The following COLQ variants were observed in gnomAD, a reference collection of about 807,000 sequenced individuals.
COLQ encodes acetylcholinesterase collagenic tail peptide.
COLQ carries 48 observed loss-of-function variants against 69.0 expected under a neutral mutation model. That is an observed-to-expected ratio of 0.70 (90% CI 0.55 to 0.88). The LOEUF is 0.88. Ranked by LOEUF, COLQ falls within the 40% of genes least tolerant of loss-of-function variation. The pLI is 0.00. For missense variants in COLQ, 618 were observed against 594.6 expected (o/e 1.04, Z -0.41); for synonymous variants, 217 against 211.2 (o/e 1.03, Z -0.24).
At chr3:15,487,444 G>A (rs546178840) in intron 3 of COLQ, among the ~76,000 whole-genome samples, 3 of 152,334 alleles carry the variant, frequency 2.0e-5, no homozygotes, top group African/African-American at 7.2e-5. Flanking sequence ...CTCTTGTGGG[G>A]CTTTGTAATC....
At chr3:15,502,543 G>A (rs1441332656) in intron 1 of COLQ, among the ~76,000 whole-genome samples, 1 of 152,086 alleles carries the variant, frequency 6.6e-6, no homozygotes, top group African/African-American at 2.4e-5. Context: ...AGCCTCTGGA[G>A]TACCTGGAAT....
chr3:15,504,424 C>T (rs2062875397), intron 1 of COLQ, among the ~76,000 whole-genome samples: 1 of 152,232 alleles, frequency 6.6e-6, no homozygotes, highest in Non-Finnish European at 1.5e-5. Flanking sequence ...CACATGGCCT[C>T]TCTTCGGAAC....
At chr3:15,482,909 G>C in intron 3 of COLQ, among the ~76,000 whole-genome samples, 1 of 152,060 alleles carries the variant, frequency 6.6e-6, no homozygotes, top group Non-Finnish European at 1.5e-5. Context: ...GTCAATTCAG[G>C]GATTCAGCTT....
chr3:15,495,090 T>C (rs770972874), intron 1 of COLQ, among the ~76,000 whole-genome samples: 2 of 127,822 alleles, frequency 1.6e-5, no homozygotes, highest in Admixed American at 7.6e-5. Flanking sequence ...CCCTTCCTCT[T>C]GAGCTCTACA....
intron 1 of COLQ, among the ~76,000 whole-genome samples, chr3:15,519,559 T>C (rs2063107549): frequency 6.6e-6 from 1 of 152,336 alleles, no homozygotes; most frequent in East Asian, 1.9e-4. Context: ...TTGCAGTTGC[T>C]AATCTCTAGG....
chr3:15,492,782 A>G (rs867591880), intron 1 of COLQ, among the ~76,000 whole-genome samples: 1 of 152,232 alleles, frequency 6.6e-6, no homozygotes, highest in African/African-American at 2.4e-5. Flanking sequence ...GGACAATTCT[A>G]TCCCACCCTT....
intron 13 of COLQ, among the ~76,000 whole-genome samples, chr3:15,457,673 T>C (rs148285502): frequency 0.038 from 5,833 of 151,826 alleles, 337 homozygotes; most frequent in African/African-American, 0.13. Context: ...AGTGCAGTGG[T>C]GCTATCTCAG....
intron 16 of COLQ, among the ~76,000 whole-genome samples, chr3:15,452,388 T>C (rs2061958014): frequency 6.6e-6 from 1 of 152,160 alleles, no homozygotes; most frequent in African/African-American, 2.4e-5. Flanking sequence ...ATTTTAAGTT[T>C]ACTTATAATG....
chr3:15,503,520 T>G (rs1298927620), intron 1 of COLQ, among the ~76,000 whole-genome samples: 2 of 151,866 alleles, frequency 1.3e-5, no homozygotes, highest in Non-Finnish European at 2.9e-5. Context: ...GAGCAAAAAA[T>G]AAATTTTGAT....
intron 11 of COLQ, among the ~76,000 whole-genome samples, 186 bp from the exon 12 acceptor site, chr3:15,466,623 G>A (rs1476891588): frequency 6.6e-6 from 1 of 150,514 alleles, no homozygotes; most frequent in Non-Finnish European, 1.5e-5. Context: ...AGATAGTGAT[G>A]GCTACAAATT....
At chr3:15,456,124 C>T in intron 14 of COLQ, 105 bp from the exon 15 acceptor site, 1 of 1,328,144 alleles carries the variant, frequency 7.5e-7, no homozygotes. Context: ...GGGGGCATGC[C>T]TTGACTTCCT....
At chr3:15,468,780 G>T (rs2062238389) in intron 11 of COLQ, among the ~76,000 whole-genome samples, 1 of 152,166 alleles carries the variant, frequency 6.6e-6, no homozygotes, top group Non-Finnish European at 1.5e-5. Flanking sequence ...TGGCTTTGAA[G>T]CTGACTTCAT....
chr3:15,479,004 CT>C lies in COLQ; in HGVS notation c.367-2del. On this transcript the variant is annotated splice_acceptor_variant, in intron 4 of 16. Coordinates refer to ENST00000383788, the MANE Select transcript of COLQ (RefSeq NM_005677.4). LOFTEE classifies it high-confidence loss of function. ...TCCTTCCTGGTCGGCCAAGCTCCCCCTATGGATGGAGAAGACAGGTAAGGAG... is the reference window on the plus strand; with the variant it reads ...TCCTTCCTGGTCGGCCAAGCTCCCCCATGGATGGAGAAGACAGGTAAGGAG... The C allele has an allele frequency of 6.2e-7, 1 of 1,614,214 alleles. No homozygotes were observed. The highest frequency in any genetic ancestry group is 8.5e-7 in the Non-Finnish European group (1 of 1,180,040).
intron 11 of COLQ, among the ~76,000 whole-genome samples, chr3:15,468,394 G>A (rs912881703): frequency 1.4e-5 from 2 of 145,038 alleles, no homozygotes; most frequent in Admixed American, 7.1e-5. Flanking sequence ...GTGCAGTGGC[G>A]TGATCTTAGC....
chr3:15,499,252 CTATCTGGTACTT>C (rs1488156349), intron 1 of COLQ, among the ~76,000 whole-genome samples: 1 of 152,226 alleles, frequency 6.6e-6, no homozygotes, highest in Admixed American at 6.5e-5. Flanking sequence ...ATGCTTAAAT[CTATCTGGTACTT>C]TATAGGCACA....
intron 1 of COLQ, chr3:15,498,896 T>G: frequency 7.6e-7 from 1 of 1,317,292 alleles, no homozygotes; most frequent in Non-Finnish European, 9.7e-7. Flanking sequence ...CAGGGATACT[T>G]ATCCCCCTGC....
intron 1 of COLQ, among the ~76,000 whole-genome samples, chr3:15,491,380 A>G (rs1044176292): frequency 2.6e-5 from 4 of 152,150 alleles, no homozygotes; most frequent in African/African-American, 9.7e-5. Context: ...ATTGACCACC[A>G]CAGGCTCTCA....
intron 14 of COLQ, 21 bp downstream of exon 14, chr3:15,456,439 G>C: frequency 6.2e-7 from 1 of 1,613,764 alleles, no homozygotes; most frequent in Non-Finnish European, 8.5e-7. Context: ...AGTATGTCCT[G>C]AGGTAATGGC....
chr3:15,486,555 T>C lies in COLQ; in HGVS notation c.321+1651A>G, dbSNP rs117075087. On this transcript the variant is annotated intron_variant, in intron 3 of 16. Coordinates refer to ENST00000383788, the MANE Select transcript of COLQ (RefSeq NM_005677.4). ...TCCTGAGGTCAGCAGAAAATCCCCCTTTTCTTTTCTATATTCCATGGGTTC... is the reference window on the plus strand; with the variant it reads ...TCCTGAGGTCAGCAGAAAATCCCCCCTTTCTTTTCTATATTCCATGGGTTC... Among the ~76,000 whole-genome samples, 63 of 152,284 alleles carry C rather than the reference T, an allele frequency of 4.1e-4. 2 individuals are homozygous for C. In the East Asian group the frequency reaches 9.3e-3, roughly 22 times the overall value.
Sources: gnomAD v4.1 joint callset for allele counts (sites outside exome capture counted in the v4.1 genomes callset) on GRCh38, gnomAD v4.1.1 for gene constraint, MANE v1.5 for transcripts, NCBI Gene and HGNC (gene_info 2026-07-23, HGNC 2026-07-21) for gene names.